The following ADGRL2 variants were observed in gnomAD, a reference collection of about 807,000 sequenced individuals.
ADGRL2 encodes calcium-independent alpha-latrotoxin receptor 2.
In ADGRL2, 44 loss-of-function variants were observed where a neutral mutation model predicts 157.4. The ratio of observed to expected loss-of-function variants is 0.28; its 90% CI spans 0.22 to 0.36. ADGRL2 has a LOEUF of 0.36. Ranked by LOEUF, ADGRL2 falls within the 10% of genes least tolerant of loss-of-function variation. The pLI is 1.00. For missense variants in ADGRL2, 1,510 were observed against 1,768.9 expected, an observed-to-expected ratio of 0.85 and a Z score of 2.63; for synonymous variants, 585 against 624.7, an observed-to-expected ratio of 0.94 and a Z score of 0.95.
At chr1:81,373,310 G>A (rs1365843981) in intron 1 of ADGRL2, among the ~76,000 whole-genome samples, 6 of 152,148 alleles carry the variant, frequency 3.9e-5, no homozygotes, top group Admixed American at 6.5e-5. Context: ...ACCCTAAGCA[G>A]GATGAGCCTG....
At chr1:81,779,459 G>A (rs1476139017) in intron 2 of ADGRL2, among the ~76,000 whole-genome samples, 3 of 151,752 alleles carry the variant, frequency 2.0e-5, no homozygotes, top group Admixed American at 6.6e-5. Context: ...TTTATTGATC[G>A]CCCTCCTCAT....
rs764194054 is a variant in ADGRL2 at position 81,966,164 on chromosome 1, C to T, written c.2124C>T (p.Val708=). 1.2e-6 allele frequency: 2 copies of T among 1,614,032 alleles called. No homozygotes were observed. The highest frequency in any genetic ancestry group is 1.7e-6 in the Non-Finnish European group (2 of 1,179,972). ...GSSIQLSANT[V]KQNSRNGLAK... is the part of the protein sequence containing the mutation. ...CAATCCAACTGTCCGCAAATACCGT[C>T]AAACAGAACAGCAGGAATGGTAAGG... is the stretch of plus-strand genomic sequence containing the variant. Residue 708 remains valine (V), a synonymous_variant, in exon 12 of 24, where the codon GTC becomes GTT. Coordinates refer to ENST00000686636, the MANE Select transcript of ADGRL2 (RefSeq NM_001366006.2).
intron 1 of ADGRL2, among the ~76,000 whole-genome samples, chr1:81,340,464 C>T: frequency 6.6e-6 from 1 of 152,032 alleles, no homozygotes; most frequent in South Asian, 2.1e-4. Context: ...GTAGCAGGGT[C>T]ATCTGATTGG....
chr1:81,481,094 T>C (rs1176756787), intron 2 of ADGRL2, among the ~76,000 whole-genome samples: 2 of 152,180 alleles, frequency 1.3e-5, no homozygotes, highest in African/African-American at 4.8e-5. Flanking sequence ...AAATTGTTGT[T>C]CAGTGTTTTT....
intron 2 of ADGRL2, among the ~76,000 whole-genome samples, chr1:81,849,166 A>T (rs2092910698): frequency 6.6e-6 from 1 of 151,976 alleles, no homozygotes; most frequent in South Asian, 2.1e-4. Context: ...TTCTTTCAAC[A>T]ATGTTGTTAA....
intron 2 of ADGRL2, among the ~76,000 whole-genome samples, chr1:81,845,849 A>G (rs2092768039): frequency 6.6e-6 from 1 of 151,854 alleles, no homozygotes; most frequent in South Asian, 2.1e-4. Context: ...ACAATTGTCA[A>G]GATATTGTTA....
At chr1:81,838,378 C>G (rs971349338) in intron 2 of ADGRL2, among the ~76,000 whole-genome samples, 12 of 152,048 alleles carry the variant, frequency 7.9e-5, no homozygotes, top group African/African-American at 2.9e-4. Flanking sequence ...TTGGCAGTTA[C>G]AATCTTTGGG....
intron 2 of ADGRL2, among the ~76,000 whole-genome samples, chr1:81,863,798 A>C (rs2093456846): frequency 6.6e-6 from 1 of 152,210 alleles, no homozygotes; most frequent in African/African-American, 2.4e-5. Context: ...AAGAGATTAA[A>C]GTCAATACAT....
Position 81,740,784 on chromosome 1 carries a change from A to G in ADGRL2, c.-142-21027A>G, listed in dbSNP as rs1273853490. On this transcript the variant is annotated intron_variant, in intron 1 of 20. Transcript: ENST00000359929. ...ATATCCACAGCCTTGGCTGCTATGA[A>G]TAGAAATAGGAAGCTTTTGAGAGAA... Among the ~76,000 whole-genome samples the G allele has an allele frequency of 8.5e-5, 13 of 152,292 alleles. No homozygotes were observed. In the East Asian group the frequency reaches 1.7e-3, roughly 20 times the overall value.
At chr1:81,505,304 C>T (rs556500506) in intron 2 of ADGRL2, among the ~76,000 whole-genome samples, 1,900 of 151,400 alleles carry the variant, frequency 0.013, 31 homozygotes, top group Admixed American at 0.038. Context: ...GGACGTGGTG[C>T]CAGTGAGGAG....
At chr1:81,607,324 C>T (rs920717522) in intron 3 of ADGRL2, among the ~76,000 whole-genome samples, 10 of 152,114 alleles carry the variant, frequency 6.6e-5, no homozygotes, top group African/African-American at 1.2e-4. Flanking sequence ...GGGGACTTAC[C>T]GGTGAATGAA....
At chr1:81,528,578 C>T (rs1411217444) in intron 2 of ADGRL2, among the ~76,000 whole-genome samples, 1 of 137,650 alleles carries the variant, frequency 7.3e-6, no homozygotes, top group Non-Finnish European at 1.5e-5. Context: ...ACCAGGGTGG[C>T]GGAGCTTGCA....
intron 1 of ADGRL2, among the ~76,000 whole-genome samples, chr1:81,390,727 T>C (rs113348929): frequency 7.4e-4 from 113 of 152,374 alleles, no homozygotes; most frequent in African/African-American, 2.5e-3. Flanking sequence ...TTGGACATGT[T>C]TCTGTATCAG....
chr1:81,751,364 C>A (rs935482628), intron 1 of ADGRL2, among the ~76,000 whole-genome samples: 4 of 152,122 alleles, frequency 2.6e-5, no homozygotes, highest in Admixed American at 1.3e-4. Flanking sequence ...GAGTAATGTG[C>A]CACCTGATAG....
rs1017427033 is a variant in ADGRL2 at position 81,511,047 on chromosome 1, A to C, written c.-248+65958A>C. Among the ~76,000 whole-genome samples the C allele has an allele frequency of 5.3e-5, 8 of 152,312 alleles. No homozygotes were observed. In the South Asian group the frequency reaches 1.7e-3, roughly 32 times the overall value. ...ATGGAAAACAAAGACTATAATATGA[A>C]GACATTTCTTAGTCTTGGAGGAAAT... is the stretch of plus-strand genomic sequence containing the variant. On this transcript the variant is annotated intron_variant, in intron 2 of 24. Coordinates refer to the ADGRL2 transcript ENST00000370721.
At chr1:81,555,291 G>T (rs745877153) in intron 2 of ADGRL2, among the ~76,000 whole-genome samples, 1 of 144,072 alleles carries the variant, frequency 6.9e-6, no homozygotes, top group African/African-American at 2.6e-5. Flanking sequence ...TTTTGAGATG[G>T]AGTTTTATTC....
intron 3 of ADGRL2, among the ~76,000 whole-genome samples, chr1:81,669,427 A>G (rs545067891): frequency 6.6e-6 from 1 of 152,128 alleles, no homozygotes; most frequent in Admixed American, 6.5e-5. Flanking sequence ...TCTAAAAACA[A>G]AGACTATGGG....
chr1:81,551,098 G>T (rs1482522911), intron 2 of ADGRL2, among the ~76,000 whole-genome samples: 1 of 152,164 alleles, frequency 6.6e-6, no homozygotes, highest in Non-Finnish European at 1.5e-5. Flanking sequence ...TTCTGATCCT[G>T]CAAGTTGATG....
At chr1:81,988,566 A>G (rs1157274028) in intron 23 of ADGRL2, 1 of 152,168 alleles carries the variant, frequency 6.6e-6, no homozygotes, top group African/African-American at 2.4e-5. Context: ...ACAAATAACT[A>G]TCACAATTTC....
Sources: allele counts gnomAD v4.1 joint callset (sites outside exome capture counted in the v4.1 genomes callset), GRCh38; gene constraint gnomAD v4.1.1; transcripts MANE v1.5; gene names NCBI Gene and HGNC (gene_info 2026-07-23, HGNC 2026-07-21).